CADM1: variants seen among roughly 807,000 people sequenced by gnomAD.
The protein encoded by CADM1 is cell adhesion molecule 1, also known as TSLC-1.
CADM1 carries 15 observed loss-of-function variants against 53.1 expected under a neutral mutation model. The ratio of observed to expected loss-of-function variants is 0.28; its 90% CI spans 0.19 to 0.44. The LOEUF is 0.44. CADM1 is among the 20% of genes least tolerant of loss of function. The pLI, the probability that CADM1 is intolerant of heterozygous loss-of-function variation, is 1.00. For synonymous variants in CADM1, 281 were observed against 243.0 expected (o/e 1.16, Z -1.45); for missense variants, 434 against 611.3 (o/e 0.71, Z 3.06).
chr11:115,272,170 G>A (rs370275340), intron 1 of CADM1, among the ~76,000 whole-genome samples: 3 of 151,408 alleles, frequency 2.0e-5, no homozygotes, highest in African/African-American at 4.9e-5. Context: ...TTAAAATCCC[G>A]ACCTCAGACA....
At chr11:115,383,030 T>C (rs1946616374) in intron 1 of CADM1, among the ~76,000 whole-genome samples, 1 of 152,208 alleles carries the variant, frequency 6.6e-6, no homozygotes, top group South Asian at 2.1e-4. Flanking sequence ...AACTCTGACA[T>C]ATCTTAAAAC....
In CADM1 at chr11:115,190,885, T is replaced by C. The variant is rs780832751; in HGVS notation, c.1165+3A>G. ...AGTGCCTTACCTAATGACTAGCCCT[T>C]ACCTGAGAGGTCCTCACTGTCCAGT... On this transcript the variant is annotated splice_donor_region_variant and intron_variant, in intron 10 of 11. Coordinates refer to ENST00000331581, the MANE Select transcript of CADM1 (RefSeq NM_001301043.2). 12 of 1,594,150 alleles carry C rather than the reference T, an allele frequency of 7.5e-6. No homozygotes were observed. Among genetic ancestry groups the C allele is most frequent in the South Asian group, 1.1e-5 (1 of 89,680 alleles).
intron 1 of CADM1, among the ~76,000 whole-genome samples, chr11:115,417,205 T>C (rs896728940): frequency 9.9e-5 from 15 of 152,184 alleles, no homozygotes; most frequent in Non-Finnish European, 1.0e-4. Flanking sequence ...AACTGTTATA[T>C]CACCTTGACA....
At chr11:115,433,128 C>A (rs189480307) in intron 1 of CADM1, among the ~76,000 whole-genome samples, 256 of 152,222 alleles carry the variant, frequency 1.7e-3, no homozygotes, top group African/African-American at 5.6e-3. Flanking sequence ...ACAGACCACC[C>A]CCCCACCCAA....
intron 1 of CADM1, among the ~76,000 whole-genome samples, chr11:115,245,206 T>C (rs534264746): frequency 6.6e-6 from 1 of 152,318 alleles, no homozygotes; most frequent in African/African-American, 2.4e-5. Context: ...AAACTAATCA[T>C]ATTAGGAAAA....
intron 1 of CADM1, among the ~76,000 whole-genome samples, chr11:115,248,743 T>C (rs1202586299): frequency 1.3e-5 from 2 of 152,010 alleles, no homozygotes; most frequent in Non-Finnish European, 2.9e-5. Flanking sequence ...AGGATAACCC[T>C]GAAGAAAAAC....
intron 8 of CADM1, among the ~76,000 whole-genome samples, chr11:115,207,956 C>T (rs1940775686): frequency 6.6e-6 from 1 of 152,170 alleles, no homozygotes; most frequent in Admixed American, 6.5e-5. Flanking sequence ...AGGTAAAAAC[C>T]TAGTTCTTAG....
chr11:115,363,015 T>C (rs1408614273), intron 1 of CADM1, among the ~76,000 whole-genome samples: 1 of 152,172 alleles, frequency 6.6e-6, no homozygotes. Context: ...TTCATGTTTA[T>C]CTCATTCACC....
intron 1 of CADM1, among the ~76,000 whole-genome samples, chr11:115,440,561 G>A (rs1948286479): frequency 6.6e-6 from 1 of 152,190 alleles, no homozygotes; most frequent in Non-Finnish European, 1.5e-5. Context: ...GATAAGAACT[G>A]TTCCTCCTCA....
At chr11:115,320,444 A>G (rs1420692088) in intron 1 of CADM1, among the ~76,000 whole-genome samples, 1 of 152,210 alleles carries the variant, frequency 6.6e-6, no homozygotes, top group African/African-American at 2.4e-5. Context: ...GCATGTTTCC[A>G]TATAAATAAA....
At chr11:115,256,283 C>T (rs1432839830) in intron 1 of CADM1, among the ~76,000 whole-genome samples, 19 of 152,216 alleles carry the variant, frequency 1.2e-4, no homozygotes, top group Admixed American at 1.2e-3. Context: ...TAGGTAACAG[C>T]ATAAACCAAA....
At chr11:115,296,908 A>G (rs1057501942) in intron 1 of CADM1, among the ~76,000 whole-genome samples, 6 of 152,216 alleles carry the variant, frequency 3.9e-5, no homozygotes, top group African/African-American at 1.2e-4. Flanking sequence ...GTTTGTCTTA[A>G]TAAGTATTTG....
At position 115,445,535 on chromosome 11, in the gene CADM1, C is replaced by T. The variant is rs1013665614; in HGVS notation, c.124+58736G>A. Reference sequence around the variant, plus strand: ...AAAAAAATCAAAGAACCGTGTAGCCCGAAAGTTACTAACAAGAAATTTAAG... The same window carrying T: ...AAAAAAATCAAAGAACCGTGTAGCCTGAAAGTTACTAACAAGAAATTTAAG... On this transcript the variant is annotated intron_variant, in intron 1 of 11. Transcript: ENST00000331581. 1.3e-4 allele frequency among the ~76,000 whole-genome samples: 19 copies of T among 151,896 alleles called. 1 individual carries two copies. Among genetic ancestry groups the T allele is most frequent in the Non-Finnish European group, 2.9e-5 (2 of 67,968 alleles).
intron 1 of CADM1, among the ~76,000 whole-genome samples, chr11:115,424,887 G>T (rs1346133560): frequency 6.6e-6 from 1 of 152,106 alleles, no homozygotes; most frequent in Admixed American, 6.6e-5. Flanking sequence ...ATCCAGTAAG[G>T]ATAAGAAGAT....
chr11:115,301,717 T>C (rs1025929478), intron 1 of CADM1, among the ~76,000 whole-genome samples: 1 of 152,114 alleles, frequency 6.6e-6, no homozygotes, highest in Non-Finnish European at 1.5e-5. Flanking sequence ...GTTCATTTGG[T>C]GTGTGACTTT....
intron 9 of CADM1, among the ~76,000 whole-genome samples, chr11:115,192,961 T>C (rs749564577): frequency 2.0e-5 from 3 of 152,214 alleles, no homozygotes; most frequent in Non-Finnish European, 4.4e-5. Flanking sequence ...AAATTTGTTT[T>C]TGTAGCACTA....
intron 11 of CADM1, 30 bp downstream of exon 11, chr11:115,178,614 G>A (rs758574980): frequency 1.1e-5 from 17 of 1,599,222 alleles, no homozygotes; most frequent in Admixed American, 3.4e-5. Context: ...GTGGGGACAC[G>A]CTGCTTCTGT....
chr11:115,292,144 C>A (rs995445181), intron 1 of CADM1, among the ~76,000 whole-genome samples: 1 of 152,146 alleles, frequency 6.6e-6, no homozygotes, highest in Non-Finnish European at 1.5e-5. Flanking sequence ...CACTTACTTC[C>A]GCACAGTCGC....
chr11:115,231,190 C>T (rs990736858), intron 4 of CADM1, among the ~76,000 whole-genome samples, 163 bp downstream of exon 4: 7 of 152,200 alleles, frequency 4.6e-5, no homozygotes, highest in South Asian at 2.1e-4. Context: ...GAATAAAATG[C>T]TTTTATGCTT....
Sources: gnomAD v4.1 joint callset for allele counts (sites outside exome capture counted in the v4.1 genomes callset) on GRCh38, gnomAD v4.1.1 for gene constraint, MANE v1.5 for transcripts, NCBI Gene and HGNC (gene_info 2026-07-23, HGNC 2026-07-21) for gene names.